The following DEPDC1B variants were observed in gnomAD, a reference collection of about 807,000 sequenced individuals.
DEPDC1B encodes DEP domain containing 1B.
In DEPDC1B, 51 loss-of-function variants were observed where a neutral mutation model predicts 66.5. The observed-to-expected ratio is 0.77, with a 90% CI of 0.61 to 0.97. The LOEUF is 0.97. Ranked by LOEUF, DEPDC1B falls within the 50% of genes least tolerant of loss-of-function variation. The pLI is 0.00. For missense variants in DEPDC1B, 552 were observed against 637.1 expected, an observed-to-expected ratio of 0.87 and a Z score of 1.44; for synonymous variants, 226 against 223.6, an observed-to-expected ratio of 1.01 and a Z score of -0.10.
intron 7 of DEPDC1B, among the ~76,000 whole-genome samples, chr5:60,615,929 T>G (rs762746377): frequency 6.6e-6 from 1 of 152,156 alleles, no homozygotes; most frequent in Non-Finnish European, 1.5e-5. Flanking sequence ...GGCCGGGTAC[T>G]CCTCTGAGAA....
At chr5:60,605,384 C>T (rs1752287794) in intron 8 of DEPDC1B, among the ~76,000 whole-genome samples, 1 of 152,116 alleles carries the variant, frequency 6.6e-6, no homozygotes, top group African/African-American at 2.4e-5. Context: ...ATAATGTATA[C>T]ATGAATTAAA....
chr5:60,689,718 C>T (rs1156301580), intron 1 of DEPDC1B, among the ~76,000 whole-genome samples: 1 of 151,210 alleles, frequency 6.6e-6, no homozygotes, highest in Non-Finnish European at 1.5e-5. Flanking sequence ...TAGGGATTCA[C>T]CATGTAGAAG....
chr5:60,627,007 C>T (rs946038258), intron 7 of DEPDC1B, among the ~76,000 whole-genome samples: 1 of 152,098 alleles, frequency 6.6e-6, no homozygotes, highest in African/African-American at 2.4e-5. Flanking sequence ...TCTTTACATA[C>T]AGTTCCAAGG....
intron 7 of DEPDC1B, among the ~76,000 whole-genome samples, chr5:60,635,935 G>A (rs576728525): frequency 3.3e-5 from 5 of 152,266 alleles, no homozygotes; most frequent in Admixed American, 2.6e-4. Context: ...AACAGTGTGG[G>A]TTCTCAGATT....
chr5:60,645,210 A>G (rs1753283850), intron 4 of DEPDC1B, among the ~76,000 whole-genome samples: 1 of 152,204 alleles, frequency 6.6e-6, no homozygotes, highest in Admixed American at 6.5e-5. Context: ...GCTGTATATG[A>G]TTGTTAACTT....
chr5:60,617,088 G>A (rs1490638214), intron 7 of DEPDC1B, among the ~76,000 whole-genome samples: 1 of 152,148 alleles, frequency 6.6e-6, no homozygotes, highest in Admixed American at 6.6e-5. Context: ...AGCAAATGCT[G>A]AGAGATTTTG....
chr5:60,658,988 C>T (rs528740619), intron 2 of DEPDC1B, among the ~76,000 whole-genome samples: 8 of 152,326 alleles, frequency 5.3e-5, no homozygotes, highest in African/African-American at 1.9e-4. Context: ...CGCTCCCAAT[C>T]GGGCTAGAGG....
At chr5:60,609,211 C>A (rs1752368761) in intron 7 of DEPDC1B, among the ~76,000 whole-genome samples, 1 of 152,162 alleles carries the variant, frequency 6.6e-6, no homozygotes, top group Admixed American at 6.5e-5. Flanking sequence ...CAGAAACCTA[C>A]ATACTGGGTG....
intron 1 of DEPDC1B, among the ~76,000 whole-genome samples, chr5:60,699,445 A>AAAAAAAAAAAAAAAAC (rs1754729493): frequency 6.8e-6 from 1 of 147,062 alleles, no homozygotes; most frequent in African/African-American, 2.6e-5. Flanking sequence ...TTCTCCCAGA[A>AAAAAAAAAAAAAAAAC]AAAAAAAAAA....
intron 7 of DEPDC1B, among the ~76,000 whole-genome samples, chr5:60,614,623 G>A (rs1752499325): frequency 1.3e-5 from 2 of 152,098 alleles, no homozygotes; most frequent in South Asian, 4.1e-4. Context: ...ATTAAATAAT[G>A]TTGTATTTCC....
At chr5:60,622,582 G>C (rs931926473) in intron 7 of DEPDC1B, among the ~76,000 whole-genome samples, 2 of 152,188 alleles carry the variant, frequency 1.3e-5, no homozygotes, top group Non-Finnish European at 2.9e-5. Flanking sequence ...ATTAAGGTAT[G>C]TGTATGTTTA....
chr5:60,691,834 G>C (rs557316410), intron 1 of DEPDC1B, among the ~76,000 whole-genome samples: 1 of 152,254 alleles, frequency 6.6e-6, no homozygotes, highest in Non-Finnish European at 1.5e-5. Context: ...TCCCACTTTT[G>C]GGTATTTGCC....
intron 5 of DEPDC1B, among the ~76,000 whole-genome samples, chr5:60,643,684 A>C: frequency 6.6e-6 from 1 of 152,230 alleles, no homozygotes; most frequent in East Asian, 1.9e-4. Flanking sequence ...ACACTCAGAG[A>C]ATGTGGAAGA....
At chr5:60,678,187 C>T (rs1754214233) in intron 2 of DEPDC1B, among the ~76,000 whole-genome samples, 1 of 151,962 alleles carries the variant, frequency 6.6e-6, no homozygotes, top group Non-Finnish European at 1.5e-5. Context: ...ACTTGTGTAT[C>T]TACCACCAAA....
At chr5:60,689,149 A>T (rs1754488949) in intron 1 of DEPDC1B, 1 of 431,226 alleles carries the variant, frequency 2.3e-6, no homozygotes, top group Admixed American at 2.5e-5. Context: ...ATGGTTGAGA[A>T]CTAAAAAAAA....
chr5:60,658,441 T>C (rs1753628044), intron 2 of DEPDC1B, among the ~76,000 whole-genome samples: 1 of 152,194 alleles, frequency 6.6e-6, no homozygotes, highest in Non-Finnish European at 1.5e-5. Flanking sequence ...AAAGGGAAGA[T>C]CTGGGGATCA....
At chr5:60,676,329 T>C (rs1754159907) in intron 2 of DEPDC1B, among the ~76,000 whole-genome samples, 1 of 151,582 alleles carries the variant, frequency 6.6e-6, no homozygotes, top group African/African-American at 2.4e-5. Context: ...TGTATACATA[T>C]GTAACAAACC....
chr5:60,660,942 G>A (rs964040361), intron 2 of DEPDC1B, among the ~76,000 whole-genome samples: 1 of 152,146 alleles, frequency 6.6e-6, no homozygotes, highest in African/African-American at 2.4e-5. Flanking sequence ...GGAAACTCTT[G>A]TAAAAGCAGA....
At chr5:60,686,811 C>A (rs553804403) in intron 2 of DEPDC1B, 151 bp downstream of exon 2, 7 of 1,000,270 alleles carry the variant, frequency 7.0e-6, no homozygotes. Context: ...ATTGCAGCAA[C>A]ACATTCAGTT....
Sources: allele counts gnomAD v4.1 joint callset (sites outside exome capture counted in the v4.1 genomes callset), GRCh38; gene constraint gnomAD v4.1.1; transcripts MANE v1.5; gene names NCBI Gene and HGNC (gene_info 2026-07-23, HGNC 2026-07-21).